The following UBA1 variants were observed in gnomAD, a reference collection of about 807,000 sequenced individuals.
The protein encoded by UBA1 is ubiquitin-like modifier-activating enzyme 1.
UBA1 carries 4 observed loss-of-function variants against 84.7 expected under a neutral mutation model. That is an observed-to-expected ratio of 0.05 (90% CI 0.02 to 0.11). UBA1 has a LOEUF of 0.11. UBA1 is among the 10% of genes least tolerant of loss of function. The pLI is 1.00. For synonymous variants in UBA1, 364 were observed against 362.6 expected, an observed-to-expected ratio of 1.00 and a Z score of -0.04; for missense variants, 513 against 902.8, an observed-to-expected ratio of 0.57 and a Z score of 5.53.
rs782451807 is a variant in UBA1, at chrX:47,214,885, G to A, written c.3133G>A (p.Gly1045Ser). 9.9e-6 allele frequency: 12 copies of A among 1,210,030 alleles called. No homozygotes were observed. In the East Asian group the frequency reaches 1.5e-4, roughly 15 times the overall value. ...TGAGCTGTGCTGTAACGACGAGAGCGGCGAGGATGTCGAGGTTCCCTATGT... is the reference window on the plus strand; with the variant it reads ...TGAGCTGTGCTGTAACGACGAGAGCAGCGAGGATGTCGAGGTTCCCTATGT... ...VLELCCNDES[G>S]EDVEVPYVRY... The change falls in exon 26 of 26, where the codon GGC (glycine) becomes AGC (serine). Residue 1045 changes from glycine (G) to serine (S), a missense_variant. Transcript: ENST00000335972.
intron 22 of UBA1, 59 bp from the exon 23 acceptor site, chrX:47,212,929 CTG>C: frequency 8.3e-7 from 1 of 1,207,890 alleles, no homozygotes; most frequent in Admixed American, 2.2e-5. Context: ...CTTAGCCCCT[CTG>C]TAGACCCTGA....
chrX:47,199,253 G>A lies in UBA1; in HGVS notation c.221G>A (p.Ser74Asn). Residue 74 changes from serine (S) to asparagine (N), a missense_variant, in exon 4 of 26, where the codon AGT (serine) becomes AAT (asparagine). Physicochemically the swap from Ser to Asn is conservative, Grantham distance 46. Around this residue, in one of 6 missense-constraint regions of UBA1, gnomAD observed 227 missense variants for 339.1 expected, o/e 0.67. Transcript: ENST00000335972. ...HEAMKRLQTS[S>N]VLVSGLRGLG... ...GCAATGAAGCGGCTCCAGACATCCA[G>A]TGTCCTGGTATCAGGCCTGCGGGGC... 1.6e-6 allele frequency: 2 copies of A among 1,212,385 alleles called. No homozygotes were observed. Among genetic ancestry groups the A allele is most frequent in the Non-Finnish European group, 2.2e-6 (2 of 895,625 alleles).
At position 47,206,230 on chromosome X, in the gene UBA1, G is replaced by A. The variant is rs5953009; in HGVS notation, c.1742-18G>A. The A allele has an allele frequency of 6.9e-3, 8,267 of 1,194,446 alleles. 347 individuals carry two copies. The African/African-American group carries it at 0.13, about 18-fold the overall frequency. On this transcript the variant is annotated intron_variant, in intron 15 of 25. Transcript: ENST00000335972. ...TCCTGATGTTTCTTTCCTAGCTCTCGCTTTGTGCTCCCCACAGGCATGTAC... is the reference window on the plus strand; with the variant it reads ...TCCTGATGTTTCTTTCCTAGCTCTCACTTTGTGCTCCCCACAGGCATGTAC...
intron 1 of UBA1, chrX:47,197,767 T>C: frequency 2.1e-6 from 1 of 473,359 alleles, no homozygotes; most frequent in Non-Finnish European, 2.6e-6. Context: ...CAGCCTGGGC[T>C]TCAGAGTCAG....
chrX:47,192,212 G>T (rs1464798956), upstream of UBA1, among the ~76,000 whole-genome samples: 1 of 111,123 alleles, frequency 9.0e-6, no homozygotes, highest in Non-Finnish European at 1.9e-5. Context: ...TTGGGGTCTA[G>T]TTCCGCAATC....
intron 16 of UBA1, among the ~76,000 whole-genome samples, chrX:47,206,955 C>T (rs1274846553): frequency 9.1e-6 from 1 of 110,063 alleles, no homozygotes; most frequent in Non-Finnish European, 1.9e-5. Flanking sequence ...GGATGTTTCT[C>T]AGCATTCCTG....
Position 47,203,129 on chromosome X carries a change from C to A in UBA1, c.1339-5C>A. On this transcript the variant is annotated splice_region_variant and splice_polypyrimidine_tract_variant and intron_variant, in intron 12 of 25. Transcript: ENST00000335972. ...CTCTAACCCTCCTCCCTTTGCATTC[C>A]TTAGCGCCAGAACCGTTATGACGGG... 1 of 1,209,810 alleles carries A rather than the reference C, an allele frequency of 8.3e-7. No individual in the cohort carries two copies. Among genetic ancestry groups the A allele is most frequent in the Non-Finnish European group, 1.1e-6 (1 of 895,077 alleles).
At chrX:47,193,293 C>T (rs1413884770), upstream of UBA1, among the ~76,000 whole-genome samples, 8 of 111,304 alleles carry the variant, frequency 7.2e-5, no homozygotes, top group Admixed American at 4.7e-4. Context: ...GTGTGTTTTC[C>T]CTGCAGCAGC....
intron 1 of UBA1, among the ~76,000 whole-genome samples, chrX:47,196,008 C>T (rs1455977135): frequency 9.0e-6 from 1 of 111,087 alleles, no homozygotes; most frequent in Non-Finnish European, 1.9e-5. Context: ...CCAACATCTT[C>T]CTGCTGCCTC....
In UBA1 at chrX:47,203,803, A is replaced by G. The variant is rs1465849738; in HGVS notation, c.1575+107A>G. On this transcript the variant is annotated intron_variant, in intron 14 of 25. Coordinates refer to ENST00000335972, the MANE Select transcript of UBA1 (RefSeq NM_003334.4). Reference sequence around the variant, plus strand: ...GCTCTTGTTGCCCAGGCTGTAGTGCAGTGGCGTGATCTCTGGCCCACCACA... The same window carrying G: ...GCTCTTGTTGCCCAGGCTGTAGTGCGGTGGCGTGATCTCTGGCCCACCACA... The G allele has an allele frequency of 1.2e-5, 10 of 860,724 alleles. No individual in the cohort carries two copies. In the African/African-American group the frequency reaches 1.8e-4, roughly 16 times the overall value. 70.9% of individuals were successfully genotyped at this position (860,724 alleles called of 1,213,427 possible).
chrX:47,205,469 C>A (rs1556790434), intron 14 of UBA1: 2 of 344,691 alleles, frequency 5.8e-6, no homozygotes, highest in Admixed American at 6.2e-5. Context: ...TCATCCTGGC[C>A]ATGTGGCATT....
At chrX:47,212,899 C>A (rs1556793923) in intron 22 of UBA1, 36 bp downstream of exon 22, 1 of 1,207,780 alleles carries the variant, frequency 8.3e-7, no homozygotes, top group South Asian at 1.8e-5. Context: ...CCACCCTCCT[C>A]CAGGTTTGAG....
chrX:47,202,113 G>A (rs781909882), intron 8 of UBA1, 43 bp from the exon 9 acceptor site: 3 of 1,105,188 alleles, frequency 2.7e-6, no homozygotes, highest in Middle Eastern at 2.9e-4. Flanking sequence ...GTGGATTTTA[G>A]GGAGAATGGG....
At chrX:47,200,381 A>G (rs1556787366) in intron 5 of UBA1, among the ~76,000 whole-genome samples, 1 of 112,532 alleles carries the variant, frequency 8.9e-6, no homozygotes, top group African/African-American at 3.2e-5. Context: ...GTGCTCTGGA[A>G]GCTGAGAGTT....
intron 23 of UBA1, among the ~76,000 whole-genome samples, chrX:47,213,486 C>G (rs1472996276): frequency 8.9e-6 from 1 of 112,335 alleles, no homozygotes; most frequent in East Asian, 2.8e-4. Flanking sequence ...ATTTATTGAG[C>G]ACCTTTTGTG....
chrX:47,202,835 G>A, intron 11 of UBA1, 21 bp downstream of exon 11: 5 of 1,203,542 alleles, frequency 4.2e-6, no homozygotes, highest in Non-Finnish European at 5.6e-6. Flanking sequence ...GTGGGGAGAG[G>A]CAGGATTGGG....
intron 6 of UBA1, 73 bp downstream of exon 6, chrX:47,201,073 G>A: frequency 1.0e-6 from 1 of 968,933 alleles, no homozygotes. Context: ...AAGACTCTAG[G>A]CTCTCCCTGC....
At chrX:47,204,036 C>T (rs1936537469) in intron 14 of UBA1, among the ~76,000 whole-genome samples, 1 of 109,631 alleles carries the variant, frequency 9.1e-6, no homozygotes, top group Non-Finnish European at 1.9e-5. Context: ...GCGTGAGCCA[C>T]CACACCTCAC....
intron 16 of UBA1, chrX:47,206,666 A>G (rs1936690669): frequency 4.7e-6 from 2 of 427,643 alleles, no homozygotes; most frequent in Non-Finnish European, 8.2e-6. Flanking sequence ...CACATAGACA[A>G]ATATTAAGAA....
Sources: allele counts gnomAD v4.1 joint callset (sites outside exome capture counted in the v4.1 genomes callset), GRCh38; gene constraint gnomAD v4.1.1; regional missense constraint gnomAD v4.1.1; transcripts MANE v1.5; gene names NCBI Gene and HGNC (gene_info 2026-07-23, HGNC 2026-07-21).